PPIG: variants seen among roughly 807,000 people sequenced by gnomAD.
PPIG encodes the protein peptidylprolyl isomerase G.
Under a neutral mutation model 87.9 loss-of-function variants are expected in PPIG, and 26 were observed. That is an observed-to-expected ratio of 0.30 (90% CI 0.22 to 0.41). PPIG has a LOEUF of 0.41. Among genes scored for constraint, PPIG ranks in the 10% least tolerant of loss-of-function variants. PPIG has a pLI of 1.00. For missense variants in PPIG, 722 were observed against 879.4 expected, an observed-to-expected ratio of 0.82 and a Z score of 2.26; for synonymous variants, 308 against 276.5, an observed-to-expected ratio of 1.11 and a Z score of -1.13.
chr2:169,611,254 GA>G (rs1685481224), intron 7 of PPIG, among the ~76,000 whole-genome samples: 10 of 152,026 alleles, frequency 6.6e-5, no homozygotes, highest in African/African-American at 1.7e-4. Flanking sequence ...AAGAAAAAAA[GA>G]AAGAAAACAC....
intron 12 of PPIG, among the ~76,000 whole-genome samples, chr2:169,633,727 G>A (rs931590318): frequency 8.6e-5 from 13 of 152,046 alleles, no homozygotes; most frequent in African/African-American, 3.1e-4. Flanking sequence ...TTGTTCTGCT[G>A]AAAACAGCAC....
At chr2:169,624,811 T>C (rs1378315402) in intron 9 of PPIG, among the ~76,000 whole-genome samples, 12 of 152,204 alleles carry the variant, frequency 7.9e-5, no homozygotes, top group South Asian at 4.2e-4. Flanking sequence ...AGGATGGTCT[T>C]GATCTTCTGA....
chr2:169,632,765 T>TAATAATAAC, intron 11 of PPIG, among the ~76,000 whole-genome samples: 1 of 151,402 alleles, frequency 6.6e-6, no homozygotes, highest in South Asian at 2.1e-4. Flanking sequence ...ATAATAATAA[T>TAATAATAAC]AACTATGTCC....
At chr2:169,617,826 C>T (rs1685643675) in intron 9 of PPIG, among the ~76,000 whole-genome samples, 1 of 152,156 alleles carries the variant, frequency 6.6e-6, no homozygotes, top group African/African-American at 2.4e-5. Flanking sequence ...TCCTCTCTTC[C>T]TATGTGAATA....
intron 12 of PPIG, among the ~76,000 whole-genome samples, chr2:169,634,613 C>G (rs1170143345): frequency 6.6e-6 from 1 of 152,146 alleles, no homozygotes; most frequent in East Asian, 1.9e-4. Context: ...CGGGCACCAC[C>G]ACCTGTGCAG....
chr2:169,614,993 C>G (rs1239721707), intron 9 of PPIG, among the ~76,000 whole-genome samples: 1 of 151,384 alleles, frequency 6.6e-6, no homozygotes, highest in African/African-American at 2.4e-5. Flanking sequence ...ATAATTACCC[C>G]TTTTTGTGGT....
chr2:169,636,220 G>A lies in PPIG; in HGVS notation c.1146G>A (p.Lys382=), dbSNP rs1185411113. The change falls in exon 13 of 14, where the codon AAG becomes AAA. Residue 382 remains lysine (K), a synonymous_variant. Transcript: ENST00000260970. ...TATCAAGTGGTGAAAGATGGATCAA[G>A]GGGGATAAGTAAGATTTAACTATTA... ...MRVSSGERWI[K]GDKSELNEIK... is the part of the protein sequence containing the mutation. The A allele has an allele frequency of 2.5e-6, 4 of 1,597,834 alleles. No individual in the cohort carries two copies. In the Admixed American group the frequency reaches 7.3e-5, roughly 29 times the overall value.
At chr2:169,593,896 C>T (rs556494631) in intron 1 of PPIG, among the ~76,000 whole-genome samples, 10 of 150,678 alleles carry the variant, frequency 6.6e-5, no homozygotes, top group Non-Finnish European at 1.5e-4. Flanking sequence ...ACCTTGTGAT[C>T]TGCCTGCCTC....
chr2:169,633,549 A>G (rs1686111894), intron 12 of PPIG: 2 of 452,576 alleles, frequency 4.4e-6, no homozygotes, highest in South Asian at 4.6e-5. Context: ...ATAAATAAAA[A>G]TTAACCCTAT....
At chr2:169,612,934 A>G (rs1282658533) in intron 7 of PPIG, among the ~76,000 whole-genome samples, 2 of 152,154 alleles carry the variant, frequency 1.3e-5, no homozygotes, top group African/African-American at 4.8e-5. Context: ...TAGTGGTTGC[A>G]CCATTCTACA....
chr2:169,587,400 C>A (rs937350866), intron 1 of PPIG, among the ~76,000 whole-genome samples: 3 of 151,934 alleles, frequency 2.0e-5, no homozygotes, highest in Admixed American at 2.0e-4. Flanking sequence ...TGCCACCACA[C>A]CCAGCTGATT....
At chr2:169,602,573 A>G (rs1313014896) in intron 1 of PPIG, among the ~76,000 whole-genome samples, 1 of 152,086 alleles carries the variant, frequency 6.6e-6, no homozygotes, top group Non-Finnish European at 1.5e-5. Flanking sequence ...CAGCCCCCCA[A>G]AGTGCTGGGA....
intron 9 of PPIG, among the ~76,000 whole-genome samples, chr2:169,628,989 A>G: frequency 6.6e-6 from 1 of 150,626 alleles, no homozygotes; most frequent in East Asian, 1.9e-4. Context: ...AATTTTCCAA[A>G]TACCAAATCT....
chr2:169,630,130 T>G (rs1487472079), intron 9 of PPIG, among the ~76,000 whole-genome samples: 2 of 131,192 alleles, frequency 1.5e-5, no homozygotes. Flanking sequence ...AATTGATCCT[T>G]TAAACTCTGA....
intron 1 of PPIG, among the ~76,000 whole-genome samples, chr2:169,588,150 C>T (rs747517811): frequency 1.1e-3 from 155 of 145,516 alleles, no homozygotes; most frequent in Non-Finnish European, 1.7e-3. Context: ...GGGAAACGAG[C>T]GAAACTCCAT....
At chr2:169,614,759 C>T (rs754277337) in intron 9 of PPIG, 35 bp downstream of exon 9, 18 of 1,564,012 alleles carry the variant, frequency 1.2e-5, no homozygotes, top group Non-Finnish European at 1.5e-5. Context: ...AGAATACTTA[C>T]ACATACAAAA....
chr2:169,628,429 G>C (rs1293515841), intron 9 of PPIG, among the ~76,000 whole-genome samples: 1 of 152,186 alleles, frequency 6.6e-6, no homozygotes, highest in Non-Finnish European at 1.5e-5. Context: ...CAGTGAACCA[G>C]AAGTCCTTGG....
intron 1 of PPIG, among the ~76,000 whole-genome samples, chr2:169,591,955 C>G (rs1349023126): frequency 9.5e-6 from 1 of 104,890 alleles, no homozygotes; most frequent in Non-Finnish European, 1.7e-5. Context: ...TGAACAGAGT[C>G]TCACTCTGTT....
At chr2:169,605,971 CATTT>C (rs1447789010) in intron 4 of PPIG, 64 bp from the exon 5 acceptor site, 15 of 1,106,992 alleles carry the variant, frequency 1.4e-5, no homozygotes, top group Non-Finnish European at 2.0e-5. Flanking sequence ...GCATATTTTA[CATTT>C]ATTTTGCTTT....
Sources: gnomAD v4.1 joint callset for allele counts (sites outside exome capture counted in the v4.1 genomes callset) on GRCh38, gnomAD v4.1.1 for gene constraint, MANE v1.5 for transcripts, NCBI Gene and HGNC (gene_info 2026-07-23, HGNC 2026-07-21) for gene names.